CTNNA1: variants seen among roughly 807,000 people sequenced by gnomAD.
The protein encoded by CTNNA1 is catenin alpha-1.
CTNNA1 carries 37 observed loss-of-function variants against 98.4 expected under a neutral mutation model. The ratio of observed to expected loss-of-function variants is 0.38; its 90% CI spans 0.29 to 0.49. CTNNA1 has a LOEUF of 0.49. Ranked by LOEUF, CTNNA1 falls within the 20% of genes least tolerant of loss-of-function variation. The pLI is 0.95. For synonymous variants in CTNNA1, 404 were observed against 413.2 expected (o/e 0.98, Z 0.27); for missense variants, 761 against 1,147.2 (o/e 0.66, Z 4.86).
intron 10 of CTNNA1, among the ~76,000 whole-genome samples, chr5:138,909,955 C>G (rs545494109): frequency 6.6e-6 from 1 of 152,324 alleles, no homozygotes; most frequent in Non-Finnish European, 1.5e-5. Context: ...GACCATCTGT[C>G]TTTGAATCGC....
At position 138,841,291 on chromosome 5, in the gene CTNNA1, C is replaced by T. The variant is rs1030543415; in HGVS notation, c.1062+13573C>T. The stretch of plus-strand genomic sequence containing the variant: ...TATTTATTTTTTGAGATGGAGTTTC[C>T]CTCTGTCACCTGGGCTGGAGTGCAA... On this transcript the variant is annotated intron_variant, in intron 7 of 17. Coordinates refer to ENST00000302763, the MANE Select transcript of CTNNA1 (RefSeq NM_001903.5). 5.3e-5 allele frequency among the ~76,000 whole-genome samples: 8 copies of T among 151,808 alleles called. 2 individuals carry two copies. The highest frequency in any genetic ancestry group is 5.3e-4 in the Admixed American group (8 of 15,216).
At chr5:138,851,389 G>C (rs1177379689) in intron 7 of CTNNA1, among the ~76,000 whole-genome samples, 3 of 152,162 alleles carry the variant, frequency 2.0e-5, no homozygotes, top group Non-Finnish European at 4.4e-5. Flanking sequence ...TGTGGGTGAA[G>C]GTGGACTCTG....
At chr5:138,895,773 C>T (rs557677120) in intron 9 of CTNNA1, among the ~76,000 whole-genome samples, 3 of 152,132 alleles carry the variant, frequency 2.0e-5, no homozygotes, top group Non-Finnish European at 4.4e-5. Flanking sequence ...TGAGGTGATA[C>T]GTGCAAGTTG....
rs758909445 is a variant in CTNNA1, at chr5:138,824,757, TGGA to T, written c.827_829del (p.Gly276del). The T allele has an allele frequency of 6.2e-7, 1 of 1,614,050 alleles. No homozygotes were observed. Among genetic ancestry groups the T allele is most frequent in the Non-Finnish European group, 8.5e-7 (1 of 1,179,968 alleles). Reference sequence around the variant, plus strand: ...CAGACGATGCCTCACAGCACCAGGGTGGAGGAGGAGGAGAACTGGCATATGCAC... The same window carrying T: ...CAGACGATGCCTCACAGCACCAGGGTGGAGGAGGAGAACTGGCATATGCAC... On this transcript the variant is annotated inframe_deletion, in exon 6 of 18. Coordinates refer to ENST00000302763, the MANE Select transcript of CTNNA1 (RefSeq NM_001903.5).
At chr5:138,891,107 T>C (rs1051672318) in intron 9 of CTNNA1, 3 of 152,236 alleles carry the variant, frequency 2.0e-5, no homozygotes, top group Admixed American at 1.3e-4. Flanking sequence ...ACTTGTCTTA[T>C]TGGGTGCTAT....
chr5:138,753,425 C>T lies in CTNNA1; in HGVS notation c.-88C>T, dbSNP rs1052532556. The T allele has an allele frequency of 1.1e-5, 4 of 371,532 alleles. No homozygotes were observed. Among genetic ancestry groups the T allele is most frequent in the South Asian group, 1.3e-4 (1 of 7,644 alleles). The allele number at this position is 371,532 out of a possible 1,614,324, so 23.0% of individuals were successfully genotyped here. A position where few individuals can be genotyped will look rare whatever the true frequency, so the allele number is the denominator to read the frequency against. On this transcript the variant is annotated 5_prime_UTR_variant, in exon 1 of 18. Coordinates refer to ENST00000302763, the MANE Select transcript of CTNNA1 (RefSeq NM_001903.5). The stretch of plus-strand genomic sequence containing the variant: ...GCGGGGGCGTGGGGCGGCCCATTTC[C>T]TCCTCCTAGCCGGACTGGAGGGAGA...
At chr5:138,883,157 G>A (rs982985323) in intron 7 of CTNNA1, among the ~76,000 whole-genome samples, 1 of 151,990 alleles carries the variant, frequency 6.6e-6, no homozygotes. Flanking sequence ...ATGAGCCACC[G>A]CGCCTGGCAG....
chr5:138,922,603 G>A (rs1209863249), intron 11 of CTNNA1, among the ~76,000 whole-genome samples: 1 of 152,130 alleles, frequency 6.6e-6, no homozygotes, highest in Non-Finnish European at 1.5e-5. Context: ...TCTACTCATA[G>A]TGGACCTATG....
At chr5:138,929,014 G>T (rs747475119) in intron 13 of CTNNA1, among the ~76,000 whole-genome samples, 3 of 152,196 alleles carry the variant, frequency 2.0e-5, no homozygotes, top group Non-Finnish European at 4.4e-5. Flanking sequence ...CCCACACACA[G>T]TGAAACCAGC....
chr5:138,858,944 A>T (rs1014651248), intron 7 of CTNNA1, among the ~76,000 whole-genome samples: 5 of 152,138 alleles, frequency 3.3e-5, no homozygotes, highest in Non-Finnish European at 7.4e-5. Context: ...CATGCCCCTC[A>T]GAATTAACCC....
intron 1 of CTNNA1, among the ~76,000 whole-genome samples, chr5:138,772,595 A>G (rs772751869): frequency 8.5e-5 from 13 of 152,240 alleles, no homozygotes; most frequent in Non-Finnish European, 1.8e-4. Context: ...AACTAATACT[A>G]TCTGCCCTGC....
intron 3 of CTNNA1, among the ~76,000 whole-genome samples, chr5:138,787,581 T>G (rs1447314544): frequency 6.6e-6 from 1 of 152,176 alleles, no homozygotes; most frequent in Admixed American, 6.5e-5. Flanking sequence ...TGATATAGGG[T>G]TTTCCCAGGC....
intron 5 of CTNNA1, among the ~76,000 whole-genome samples, chr5:138,817,249 A>G (rs914257891): frequency 6.6e-6 from 1 of 152,196 alleles, no homozygotes; most frequent in Non-Finnish European, 1.5e-5. Context: ...GTTTCTGCAT[A>G]GAAATCTGCG....
intron 3 of CTNNA1, among the ~76,000 whole-genome samples, chr5:138,795,621 G>C (rs1756878609): frequency 6.6e-6 from 1 of 152,168 alleles, no homozygotes; most frequent in Non-Finnish European, 1.5e-5. Flanking sequence ...TGGTAGGGAA[G>C]TTTTGGGCAT....
At chr5:138,882,262 C>T (rs555825424) in intron 7 of CTNNA1, among the ~76,000 whole-genome samples, 8 of 152,176 alleles carry the variant, frequency 5.3e-5, no homozygotes, top group African/African-American at 1.7e-4. Context: ...CTCATCTGAA[C>T]GATGGGTAGG....
intron 6 of CTNNA1, among the ~76,000 whole-genome samples, chr5:138,825,481 A>ATTTTTTTTTTTTTTTTTT (rs1561565679): frequency 1.4e-4 from 3 of 21,320 alleles, no homozygotes; most frequent in African/African-American, 2.3e-4. Flanking sequence ...CAGCAGTATA[A>ATTTTTTTTTTTTTTTTTT]GTTTTTTTTT....
In CTNNA1 at chr5:138,933,538, C is replaced by A. The variant is rs187643567; in HGVS notation, c.2434-264C>A. 7.6e-3 allele frequency among the ~76,000 whole-genome samples: 1,151 copies of A among 152,286 alleles called. 8 individuals are homozygous for A. The highest frequency in any genetic ancestry group is 0.012 in the Non-Finnish European group (848 of 68,016). ...CTTCCAGTTGGTTTGAGTGAATAAA[C>A]ACTTGCTGAGGGGTGGGGGTGAGCA... is the stretch of plus-strand genomic sequence containing the variant. On this transcript the variant is annotated intron_variant, in intron 17 of 17. Transcript: ENST00000302763.
chr5:138,848,622 T>C (rs1762931837), intron 7 of CTNNA1, among the ~76,000 whole-genome samples: 1 of 152,228 alleles, frequency 6.6e-6, no homozygotes, highest in African/African-American at 2.4e-5. Context: ...TAGCTTATTT[T>C]ATTGCTCTCC....
intron 2 of CTNNA1, chr5:138,782,527 A>G (rs920045347): frequency 4.0e-6 from 1 of 252,368 alleles, no homozygotes. Flanking sequence ...TATTGTTTGT[A>G]TGTGAGAGAT....
Sources: gnomAD v4.1 joint callset for allele counts (sites outside exome capture counted in the v4.1 genomes callset) on GRCh38, gnomAD v4.1.1 for gene constraint, MANE v1.5 for transcripts, NCBI Gene and HGNC (gene_info 2026-07-23, HGNC 2026-07-21) for gene names.